Variants in MAP3K4 observed in about 807,000 individuals in gnomAD.
MAP3K4 encodes MAP three kinase 1.
In MAP3K4, 67 loss-of-function variants were observed where a neutral mutation model predicts 185.6. The observed-to-expected ratio is 0.36, with a 90% confidence interval of 0.30 to 0.44. MAP3K4 has a LOEUF of 0.44. MAP3K4 is among the 20% of genes least tolerant of loss of function. The probability of loss-of-function intolerance (pLI) is 1.00; values close to 1 mark genes in which losing one functional copy is unlikely to be tolerated. For synonymous variants in MAP3K4, 702 were observed against 710.4 expected (o/e 0.99, Z 0.19); for missense variants, 1,551 against 1,995.1 (o/e 0.78, Z 4.24).
rs549710514 is a variant in MAP3K4 at position 161,113,306 on chromosome 6, C to T, written c.4626+532C>T. On this transcript the variant is annotated intron_variant, in intron 25 of 26. Transcript: ENST00000392142. ...CTGCACACTGAGCGATTCCATTTAA[C>T]GACATTGGGGAAGAGGCAAAACCAC... Among the ~76,000 whole-genome samples, 10 of 152,232 alleles carry T rather than the reference C, an allele frequency of 6.6e-5. No individual in the cohort carries two copies. In the East Asian group the frequency reaches 1.5e-3, roughly 23 times the overall value.
At chr6:161,031,173 T>C (rs1224010025) in intron 1 of MAP3K4, among the ~76,000 whole-genome samples, 1 of 152,236 alleles carries the variant, frequency 6.6e-6, no homozygotes, top group Non-Finnish European at 1.5e-5. Flanking sequence ...TATGTGAATG[T>C]ATAAGGATAA....
Position 161,093,168 on chromosome 6 carries a change from C to T in MAP3K4, c.3348+112C>T. The stretch of plus-strand genomic sequence containing the variant: ...GGTTTTTTTCATGAGATATTAATCT[C>T]AGCATATCATGTAATGATAATGCTG... On this transcript the variant is annotated intron_variant, in intron 14 of 26. Transcript: ENST00000392142. The surrounding 1 kb of genome is among the most constrained non-coding windows in gnomAD (Gnocchi z 5.2). 1.5e-6 allele frequency: 1 copy of T among 678,604 alleles called. No individual in the cohort carries two copies. The highest frequency in any genetic ancestry group is 2.5e-6 in the Non-Finnish European group (1 of 395,576). The allele number at this position is 678,604 out of a possible 1,614,324, so 42.0% of individuals were successfully genotyped here.
In MAP3K4 at chr6:161,053,678, G is replaced by A. The variant is rs189788406; in HGVS notation, c.1707+3699G>A. Among the ~76,000 whole-genome samples the A allele has an allele frequency of 2.1e-4, 31 of 150,468 alleles. No homozygotes were observed. In the South Asian group the frequency reaches 2.5e-3, roughly 12 times the overall value. Reference sequence around the variant, plus strand: ...AAGATCTCGGCTCACTGCAACCTCTGTCTCCCGGGTTCAGGCAATTCTCCT... The same window carrying A: ...AAGATCTCGGCTCACTGCAACCTCTATCTCCCGGGTTCAGGCAATTCTCCT... On this transcript the variant is annotated intron_variant, in intron 3 of 26. Coordinates refer to ENST00000392142, the MANE Select transcript of MAP3K4 (RefSeq NM_005922.4). This position sits in a 1 kb window ranked among gnomAD's most constrained non-coding sequence, Gnocchi z 4.2.
intron 1 of MAP3K4, among the ~76,000 whole-genome samples, chr6:160,997,450 T>C (rs750909962): frequency 6.6e-6 from 1 of 152,234 alleles, no homozygotes; most frequent in Non-Finnish European, 1.5e-5. Flanking sequence ...TTCTATCCAG[T>C]TATTAAAAAC....
At chr6:161,035,928 C>CT (rs1392221659) in intron 2 of MAP3K4, among the ~76,000 whole-genome samples, 18 of 152,290 alleles carry the variant, frequency 1.2e-4, no homozygotes, top group African/African-American at 3.4e-4. Flanking sequence ...CAGAGCAAAT[C>CT]TTTTTAAGTC....
intron 1 of MAP3K4, chr6:160,992,346 C>G (rs899788196): frequency 4.0e-6 from 2 of 505,424 alleles, no homozygotes; most frequent in African/African-American, 4.1e-5. Context: ...TAGACTCCCC[C>G]AGCTCACCCT....
chr6:161,107,970 G>A lies in MAP3K4; in HGVS notation c.4119+1G>A. 6.2e-7 allele frequency: 1 copy of A among 1,613,728 alleles called. No individual in the cohort carries two copies. Among genetic ancestry groups the A allele is most frequent in the Non-Finnish European group, 8.5e-7 (1 of 1,179,956 alleles). Reference sequence around the variant, plus strand: ...CGGGGAGCTGATGGCCATGAAAGAGGTGAGTCACCTGGCTCCGTGGGGCCT... The same window carrying A: ...CGGGGAGCTGATGGCCATGAAAGAGATGAGTCACCTGGCTCCGTGGGGCCT... On this transcript the variant is annotated splice_donor_variant, in intron 21 of 26. Transcript: ENST00000392142. LOFTEE classifies it high-confidence loss of function. The surrounding 1 kb of genome is among the most constrained non-coding windows in gnomAD (Gnocchi z 6.2).
intron 2 of MAP3K4, among the ~76,000 whole-genome samples, chr6:161,035,075 C>T (rs894662065): frequency 6.6e-6 from 1 of 151,756 alleles, no homozygotes; most frequent in African/African-American, 2.4e-5. Flanking sequence ...TTTAGTGGGA[C>T]GTAACTGTTC....
Position 161,007,668 on chromosome 6 carries a change from C to T in MAP3K4, c.152+15585C>T, listed in dbSNP as rs1743011377. Among the ~76,000 whole-genome samples the T allele has an allele frequency of 6.6e-6, 1 of 152,106 alleles. No homozygotes were observed. The highest frequency in any genetic ancestry group is 1.5e-5 in the Non-Finnish European group (1 of 68,012). ...CTGAAAATCTGTAAAGGTTTTTCTC[C>T]TTTTTAAAAAAATTGCTTTGGTTCA... On this transcript the variant is annotated intron_variant, in intron 1 of 26. Coordinates refer to ENST00000392142, the MANE Select transcript of MAP3K4 (RefSeq NM_005922.4). The surrounding 1 kb of genome is among the most constrained non-coding windows in gnomAD (Gnocchi z 4.5).
rs887259222 is a variant in MAP3K4 at position 161,076,689 on chromosome 6, G to A, written c.2097+3077G>A. 6.6e-6 allele frequency among the ~76,000 whole-genome samples: 1 copy of A among 152,156 alleles called. No homozygotes were observed. Among genetic ancestry groups the A allele is most frequent in the Admixed American group, 6.5e-5 (1 of 15,270 alleles). On this transcript the variant is annotated intron_variant, in intron 5 of 26. Transcript: ENST00000392142. The surrounding 1 kb of genome is among the most constrained non-coding windows in gnomAD (Gnocchi z 4.2). ...AATATGAAAATGATAGGCGAGATGT[G>A]GTAGTTGTAGAAGAGACACAAGAGA...
intron 1 of MAP3K4, among the ~76,000 whole-genome samples, chr6:161,025,831 G>T (rs1782622985): frequency 6.6e-6 from 1 of 152,026 alleles, no homozygotes; most frequent in Admixed American, 6.5e-5. Flanking sequence ...TTTATGTTTT[G>T]TCTTTGGCAT....
chr6:161,045,136 A>C (rs1013839020), intron 2 of MAP3K4, among the ~76,000 whole-genome samples: 3 of 152,172 alleles, frequency 2.0e-5, no homozygotes, highest in African/African-American at 7.2e-5. Flanking sequence ...GTCTATTTTA[A>C]GTTCGAATTG....
In MAP3K4 at chr6:161,070,803, T is replaced by C. The variant is rs375143294; in HGVS notation, c.1903T>C (p.Leu635=). The change falls in exon 4 of 27, where the codon TTG becomes CTG. Residue 635 remains leucine, a synonymous_variant. Coordinates refer to ENST00000392142, the MANE Select transcript of MAP3K4 (RefSeq NM_005922.4). The surrounding 1 kb of genome is among the most constrained non-coding windows in gnomAD (Gnocchi z 4.5). ...CATACATGAGTGTCTGAAGTTAAGA[T>C]TGGAGCAGAGACCTGCTGGAGAACC... ...NVIHECLKLR[L]EQRPAGEPSL... The C allele has an allele frequency of 2.4e-5, 38 of 1,613,878 alleles. No individual in the cohort carries two copies. The highest frequency in any genetic ancestry group is 3.3e-4 in the Middle Eastern group (2 of 6,054).
At chr6:161,050,451 G>T (rs1253585758) in intron 3 of MAP3K4, among the ~76,000 whole-genome samples, 1 of 152,290 alleles carries the variant, frequency 6.6e-6, no homozygotes, top group South Asian at 2.1e-4. Context: ...ATTTTAAAGA[G>T]ATGTAAATTA....
At position 161,112,868 on chromosome 6, in the gene MAP3K4, C is replaced by A; in HGVS notation, c.4626+94C>A. The A allele has an allele frequency of 1.4e-6, 1 of 732,502 alleles. No homozygotes were observed. 45.4% of individuals were successfully genotyped at this position (732,502 alleles called of 1,614,324 possible). ...ATGGATTGATTATTTATTACAAACA[C>A]TGTGGACACTAAATAGCGAACGATA... On this transcript the variant is annotated intron_variant, in intron 25 of 26. Transcript: ENST00000392142. This position sits in a 1 kb window ranked among gnomAD's most constrained non-coding sequence, Gnocchi z 5.1.
intron 1 of MAP3K4, among the ~76,000 whole-genome samples, chr6:160,998,942 C>A (rs1426300730): frequency 6.6e-6 from 1 of 152,190 alleles, no homozygotes; most frequent in Non-Finnish European, 1.5e-5. Flanking sequence ...TTTTGAATTA[C>A]AAGAACGTTC....
Position 161,073,202 on chromosome 6 carries a change from A to G in MAP3K4, c.1951-264A>G. 1 of 291,066 alleles carries G rather than the reference A, an allele frequency of 3.4e-6. No homozygotes were observed. The highest frequency in any genetic ancestry group is 6.3e-6 in the Non-Finnish European group (1 of 159,800). The allele number at this position is 291,066 out of a possible 1,614,324, so 18.0% of individuals were successfully genotyped here. On this transcript the variant is annotated intron_variant, in intron 4 of 26. Transcript: ENST00000392142. The surrounding 1 kb of genome is among the most constrained non-coding windows in gnomAD (Gnocchi z 4.2). ...TTGTTAAGAGAATTTATTTTAGCAA[A>G]GCAGTAATTGCCTATATGGTATTTT...
At position 161,000,794 on chromosome 6, in the gene MAP3K4, CATGTGTACACCCATATATACACACAT is replaced by C. The variant is rs147690323; in HGVS notation, c.152+8712_152+8737del. On this transcript the variant is annotated intron_variant, in intron 1 of 26. Coordinates refer to ENST00000392142, the MANE Select transcript of MAP3K4 (RefSeq NM_005922.4). ...ATATGTGTACACCCATATATACACA[CATGTGTACACCCATATATACACACAT>C]GTGTATGCACACATACACATGTGTA... is the stretch of plus-strand genomic sequence containing the variant. 8.0e-3 allele frequency among the ~76,000 whole-genome samples: 1,200 copies of C among 149,982 alleles called. 6 individuals carry two copies. The highest frequency in any genetic ancestry group is 0.011 in the Non-Finnish European group (720 of 67,758).
rs1300883139 is a variant in MAP3K4, at chr6:161,067,064, C to T, written c.1708-3544C>T. The T allele has an allele frequency of 5.8e-6, 1 of 171,034 alleles. No individual in the cohort carries two copies. Among genetic ancestry groups the T allele is most frequent in the Non-Finnish European group, 1.3e-5 (1 of 78,848 alleles). The allele number at this position is 171,034 out of a possible 1,614,324, so 10.6% of individuals were successfully genotyped here. On this transcript the variant is annotated intron_variant, in intron 3 of 26. Transcript: ENST00000392142. The surrounding 1 kb of genome is among the most constrained non-coding windows in gnomAD (Gnocchi z 6.3). ...ACCTTAAGCTGTTAACCCTGAATAT[C>T]TGAGACAGGTCTGTTAATTTAGAAA...
Sources: allele counts gnomAD v4.1 joint callset (sites outside exome capture counted in the v4.1 genomes callset), GRCh38; gene constraint gnomAD v4.1.1; non-coding constraint Gnocchi (gnomAD v3.1); transcripts MANE v1.5; gene names NCBI Gene and HGNC (gene_info 2026-07-23, HGNC 2026-07-21).